Variants in KMO observed in about 807,000 individuals in gnomAD.
The protein encoded by KMO is kynurenine 3-monooxygenase, also known as kynurenine 3-hydroxylase.
KMO carries 24 observed loss-of-function variants against 57.8 expected under a neutral mutation model. That is an observed-to-expected ratio of 0.42 (90% CI 0.30 to 0.58). The LOEUF is 0.58. Among genes scored for constraint, KMO ranks in the 20% least tolerant of loss-of-function variants. KMO has a pLI of 0.22. For missense variants in KMO, 483 were observed against 588.2 expected (o/e 0.82, Z 1.85); for synonymous variants, 210 against 193.6 (o/e 1.08, Z -0.70).
intron 10 of KMO, among the ~76,000 whole-genome samples, chr1:241,571,939 C>T (rs548872396): frequency 8.3e-5 from 12 of 144,950 alleles, no homozygotes; most frequent in Non-Finnish European, 1.3e-4. Context: ...CAATCTCTGC[C>T]GACTGCAACC....
At chr1:241,545,781 CT>C (rs1470683175) in intron 1 of KMO, among the ~76,000 whole-genome samples, 1 of 152,050 alleles carries the variant, frequency 6.6e-6, no homozygotes, top group Non-Finnish European at 1.5e-5. Context: ...CCCAGGAAAT[CT>C]TTTTTTAGAG....
intron 1 of KMO, among the ~76,000 whole-genome samples, chr1:241,533,124 C>T (rs535249443): frequency 1.2e-4 from 19 of 152,224 alleles, no homozygotes; most frequent in Non-Finnish European, 2.5e-4. Context: ...CCTAACAAGA[C>T]GGAAGGAGAG....
intron 5 of KMO, among the ~76,000 whole-genome samples, chr1:241,558,063 T>C (rs1661705276): frequency 6.6e-6 from 1 of 152,246 alleles, no homozygotes; most frequent in Non-Finnish European, 1.5e-5. Flanking sequence ...AAATGGAGGC[T>C]TAGAGAGCTT....
chr1:241,586,509 A>G (rs990656192), intron 10 of KMO, 170 bp from the exon 11 acceptor site: 13 of 615,572 alleles, frequency 2.1e-5, no homozygotes, highest in Non-Finnish European at 3.8e-5. Flanking sequence ...CCCGATGGTC[A>G]TTTTTAACCA....
At chr1:241,553,228 T>A (rs1282343443) in intron 4 of KMO, among the ~76,000 whole-genome samples, 4 of 152,208 alleles carry the variant, frequency 2.6e-5, no homozygotes, top group Non-Finnish European at 5.9e-5. Context: ...ATTGGAGAAG[T>A]AAGACTTGAT....
At chr1:241,564,926 G>A (rs970176991) in intron 7 of KMO, 61 bp from the exon 8 acceptor site, 1 of 1,022,168 alleles carries the variant, frequency 9.8e-7, no homozygotes, top group Non-Finnish European at 1.5e-6. Context: ...ATAAAGCTGA[G>A]TCCGTTTTAT....
At chr1:241,558,982 G>A (rs140694541) in intron 5 of KMO, among the ~76,000 whole-genome samples, 5,675 of 151,818 alleles carry the variant, frequency 0.037, 166 homozygotes, top group Middle Eastern at 0.068. Flanking sequence ...GCGTGTTGGT[G>A]GGCGCCTGTA....
intron 7 of KMO, among the ~76,000 whole-genome samples, chr1:241,564,454 G>A (rs1219318343): frequency 2.6e-5 from 4 of 151,930 alleles, no homozygotes; most frequent in African/African-American, 4.8e-5. Context: ...GGAAACAAAC[G>A]ATAAGAAGCT....
Position 241,593,443 on chromosome 1 carries a change from TG to T in KMO, c.*1293del. The T allele has an allele frequency of 2.8e-6, 1 of 363,260 alleles. No homozygotes were observed. The highest frequency in any genetic ancestry group is 6.4e-6 in the Non-Finnish European group (1 of 156,946). The allele number at this position is 363,260 out of a possible 1,614,324, so 22.5% of individuals were successfully genotyped here. A position where few individuals can be genotyped will look rare whatever the true frequency, so the allele number is the denominator to read the frequency against. ...CTAGAGTCATATAAGAAATAAAAAT[TG>T]GGCAATAAAATAAAATGATTCAGTG... On this transcript the variant is annotated 3_prime_UTR_variant, in exon 15 of 15. Transcript: ENST00000366559.
intron 10 of KMO, among the ~76,000 whole-genome samples, chr1:241,582,431 C>T (rs1031006903): frequency 6.6e-6 from 1 of 152,094 alleles, no homozygotes; most frequent in Non-Finnish European, 1.5e-5. Flanking sequence ...AGGCTATTTC[C>T]TGGATCTTAT....
rs765439070 is a variant in KMO at position 241,590,089 on chromosome 1, G to A, written c.1176G>A (p.Ser392=). 24 of 1,613,628 alleles carry A rather than the reference G, an allele frequency of 1.5e-5. No homozygotes were observed. The highest frequency in any genetic ancestry group is 5.5e-5 in the South Asian group (5 of 91,066). The change falls in exon 13 of 15, where the codon TCG becomes TCA. Residue 392 remains serine (S), a synonymous_variant. Transcript: ENST00000366559. ...MERFLHAIMP[S]TFIPLYTMVT... is the part of the protein sequence containing the mutation. ...GATTTCTTCATGCGATTATGCCATC[G>A]ACCTTTATCCCTCTCTATACAATGG... is the stretch of plus-strand genomic sequence containing the variant.
chr1:241,586,191 C>CTTTTTT (rs386370217), intron 10 of KMO, among the ~76,000 whole-genome samples: 25 of 80,066 alleles, frequency 3.1e-4, no homozygotes, highest in East Asian at 8.5e-4. Context: ...AGTCTATGGT[C>CTTTTTT]TTTTTTTTTT....
intron 5 of KMO, 24 bp downstream of exon 5, chr1:241,555,684 A>G (rs1227268516): frequency 2.8e-6 from 4 of 1,442,266 alleles, no homozygotes; most frequent in Non-Finnish European, 3.9e-6. Flanking sequence ...TTGATTCATC[A>G]GTTGTCATTT....
intron 5 of KMO, among the ~76,000 whole-genome samples, chr1:241,558,267 C>T (rs1661711606): frequency 6.6e-6 from 1 of 152,174 alleles, no homozygotes; most frequent in Admixed American, 6.5e-5. Flanking sequence ...TTGTCTTTCA[C>T]TAGGAATGTG....
chr1:241,587,476 T>G (rs76801114), intron 11 of KMO, among the ~76,000 whole-genome samples: 1 of 152,136 alleles, frequency 6.6e-6, no homozygotes, highest in East Asian at 1.9e-4. Flanking sequence ...CTTTTTTTTT[T>G]GAGATGGAGT....
At chr1:241,541,054 C>T (rs749781750) in intron 1 of KMO, among the ~76,000 whole-genome samples, 5 of 152,140 alleles carry the variant, frequency 3.3e-5, no homozygotes, top group Non-Finnish European at 5.9e-5. Context: ...GAACAAGACC[C>T]TGTCTAAAAA....
At chr1:241,566,682 C>G in intron 9 of KMO, 70 bp downstream of exon 9, 1 of 1,546,908 alleles carries the variant, frequency 6.5e-7, no homozygotes, top group Non-Finnish European at 8.9e-7. Flanking sequence ...GGTTATGCAC[C>G]TGATTTCAGT....
chr1:241,570,261 T>G (rs939402514), intron 10 of KMO, among the ~76,000 whole-genome samples: 8 of 152,036 alleles, frequency 5.3e-5, no homozygotes, highest in Admixed American at 2.6e-4. Flanking sequence ...CCTATTTATT[T>G]CTGAGTTCTC....
In KMO at chr1:241,572,831, T is replaced by C. The variant is rs186233891; in HGVS notation, c.957+4184T>C. ...TCTGAGTCACCAAAGCCCATTATATTACTCTGCGTTTCTGTACTCATAATT... is the reference window on the plus strand; with the variant it reads ...TCTGAGTCACCAAAGCCCATTATATCACTCTGCGTTTCTGTACTCATAATT... On this transcript the variant is annotated intron_variant, in intron 10 of 14. Coordinates refer to ENST00000366559, the MANE Select transcript of KMO (RefSeq NM_003679.5). Among the ~76,000 whole-genome samples the C allele has an allele frequency of 1.5e-3, 231 of 152,258 alleles. 4 individuals carry two copies. The highest frequency in any genetic ancestry group is 5.1e-3 in the African/African-American group (212 of 41,554).
Sources: gnomAD v4.1 joint callset for allele counts (sites outside exome capture counted in the v4.1 genomes callset) on GRCh38, gnomAD v4.1.1 for gene constraint, MANE v1.5 for transcripts, NCBI Gene and HGNC (gene_info 2026-07-23, HGNC 2026-07-21) for gene names.